The following MCOLN1 variants were observed in gnomAD, a reference collection of about 807,000 sequenced individuals.
The protein encoded by MCOLN1 is mucolipin TRP cation channel 1.
A neutral mutation model predicts 70.3 loss-of-function variants in MCOLN1; 50 were observed. The observed-to-expected ratio is 0.71, with a 90% CI of 0.57 to 0.90. The LOEUF (loss-of-function observed/expected upper bound fraction) is 0.90, where lower values mean the gene tolerates loss of function less well. Ranked by LOEUF, MCOLN1 falls within the 40% of genes least tolerant of loss-of-function variation. MCOLN1 has a pLI of 0.00. For missense variants in MCOLN1, 598 were observed against 803.5 expected (o/e 0.74, Z 3.09); for synonymous variants, 366 against 341.0 (o/e 1.07, Z -0.81).
chr19:7,533,641 G>A lies in MCOLN1; in HGVS notation c.1694G>A (p.Cys565Tyr). 1 of 1,613,142 alleles carries A rather than the reference G, an allele frequency of 6.2e-7. No individual in the cohort carries two copies. The highest frequency in any genetic ancestry group is 8.5e-7 in the Non-Finnish European group (1 of 1,179,864). Reference protein sequence around the residue: ...RGSGSACSLLCCCGRDPSEEH... With the variant: ...RGSGSACSLLYCCGRDPSEEH... ...AGCGGCTCGGCCTGCAGCCTTCTCTGCTGCTGCGGAAGGTTCGAGTCCCGG... is the reference window on the plus strand; with the variant it reads ...AGCGGCTCGGCCTGCAGCCTTCTCTACTGCTGCGGAAGGTTCGAGTCCCGG... The change falls in exon 13 of 14, where the codon TGC (cysteine) becomes TAC (tyrosine). Residue 565 changes from cysteine (C) to tyrosine (Y), a missense_variant. Cys to Tyr is a radical substitution (Grantham distance 194). Transcript: ENST00000264079.
chr19:7,522,791 C>A lies in MCOLN1; in HGVS notation c.31+10C>A. On this transcript the variant is annotated intron_variant, in intron 1 of 13. Transcript: ENST00000264079. The stretch of plus-strand genomic sequence containing the variant: ...GGTCCGCGCGGCTCAGGTGAGGGCG[C>A]GGGCGGCACCGTGGGGCCCCGAACT... 7.5e-7 allele frequency: 1 copy of A among 1,334,652 alleles called. No individual in the cohort carries two copies. Among genetic ancestry groups the A allele is most frequent in the South Asian group, 1.9e-5 (1 of 51,764 alleles). The allele number at this position is 1,334,652 out of a possible 1,614,324, so 82.7% of individuals were successfully genotyped here.
intron 5 of MCOLN1, 77 bp from the exon 6 acceptor site, chr19:7,527,787 G>GTCCC: frequency 7.9e-7 from 1 of 1,272,304 alleles, no homozygotes; most frequent in Non-Finnish European, 1.2e-6. Flanking sequence ...GAGTCAGCAC[G>GTCCC]TGGCAGGGGA....
At chr19:7,529,334 C>A in intron 10 of MCOLN1, 132 bp downstream of exon 10, 1 of 935,252 alleles carries the variant, frequency 1.1e-6, no homozygotes, top group Non-Finnish European at 1.7e-6. Flanking sequence ...CCTGCCCACA[C>A]CAGATATATC....
In MCOLN1 at chr19:7,522,715, G is replaced by T; in HGVS notation, c.-36G>T. The T allele has an allele frequency of 2.1e-6, 3 of 1,451,568 alleles. No individual in the cohort carries two copies. Among genetic ancestry groups the T allele is most frequent in the Non-Finnish European group, 2.7e-6 (3 of 1,106,382 alleles). The allele number at this position is 1,451,568 out of a possible 1,614,324, so 89.9% of individuals were successfully genotyped here. ...CGGGCGATCGGACCCAGGCTGCCCC[G>T]CCGTACCCGCCTGCGTCCCGCGCTC... On this transcript the variant is annotated 5_prime_UTR_variant, in exon 1 of 14. Transcript: ENST00000264079.
chr19:7,524,782 C>T lies in MCOLN1; in HGVS notation c.32-179C>T, dbSNP rs565175816. Among the ~76,000 whole-genome samples, 55 of 152,278 alleles carry T rather than the reference C, an allele frequency of 3.6e-4. No homozygotes were observed. Among genetic ancestry groups the T allele is most frequent in the Admixed American group, 1.3e-3 (20 of 15,290 alleles). ...CCAAACTCATAACCTCTGAGCAGGA[C>T]GGGTGCATAGATACCTACAATGTCA... On this transcript the variant is annotated intron_variant, in intron 1 of 13. Coordinates refer to ENST00000264079, the MANE Select transcript of MCOLN1 (RefSeq NM_020533.3). The surrounding 1 kb of genome is among the most constrained non-coding windows in gnomAD (Gnocchi z 4.1).
At position 7,522,720 on chromosome 19, in the gene MCOLN1, AC is replaced by A; in HGVS notation, c.-28del. ...GATCGGACCCAGGCTGCCCCGCCGTACCCGCCTGCGTCCCGCGCTCCCGCCC... is the reference window on the plus strand; with the variant it reads ...GATCGGACCCAGGCTGCCCCGCCGTACCGCCTGCGTCCCGCGCTCCCGCCC... On this transcript the variant is annotated 5_prime_UTR_variant, in exon 1 of 14. Transcript: ENST00000264079. The A allele has an allele frequency of 6.9e-7, 1 of 1,445,440 alleles. No individual in the cohort carries two copies. The highest frequency in any genetic ancestry group is 1.4e-5 in the South Asian group (1 of 72,396). The allele number at this position is 1,445,440 out of a possible 1,614,324, so 89.5% of individuals were successfully genotyped here.
chr19:7,529,856 CATT>C (rs1313133174), intron 11 of MCOLN1, 144 bp downstream of exon 11: 2 of 1,029,552 alleles, frequency 1.9e-6, no homozygotes, highest in Non-Finnish European at 3.1e-6. Context: ...GACCCTGTGC[CATT>C]ATTGTTGTCA....
Position 7,528,241 on chromosome 19 carries a change from C to T in MCOLN1, c.861C>T (p.Pro287=), listed in dbSNP as rs759571499. 11 of 1,614,100 alleles carry T rather than the reference C, an allele frequency of 6.8e-6. No homozygotes were observed. In the South Asian group the frequency reaches 8.8e-5, roughly 13 times the overall value. ...CCCACATCCAGGAGTGTAAGCACCC[C>T]AGTGTCTTCCAGCACGGTGAGCCCC... is the stretch of plus-strand genomic sequence containing the variant. ...TQAHIQECKH[P]SVFQHGDNSF... is the part of the protein sequence containing the mutation. The change falls in exon 7 of 14, where the codon CCC becomes CCT. Residue 287 remains proline (P), a synonymous_variant. Coordinates refer to ENST00000264079, the MANE Select transcript of MCOLN1 (RefSeq NM_020533.3). This position sits in a 1 kb window ranked among gnomAD's most constrained non-coding sequence, Gnocchi z 4.2.
At position 7,529,638 on chromosome 19, in the gene MCOLN1, T is replaced by G; in HGVS notation, c.1285T>G (p.Cys429Gly). The G allele has an allele frequency of 6.2e-7, 1 of 1,614,178 alleles. No homozygotes were observed. The highest frequency in any genetic ancestry group is 8.5e-7 in the Non-Finnish European group (1 of 1,179,998). ...RVALPSVMRFCCCVAVIYLGY... is the reference protein window; with the variant it reads ...RVALPSVMRFGCCVAVIYLGY... ...GGCCCTGCCCAGCGTCATGCGCTTC[T>G]GCTGCTGCGTGGCTGTCATCTACCT... The change falls in exon 11 of 14, where the codon TGC becomes GGC. Residue 429 changes from cysteine (C) to glycine (G), a missense_variant. Physicochemically the swap from Cys to Gly is radical, Grantham distance 159 (BLOSUM62 -3). Transcript: ENST00000264079.
chr19:7,526,114 T>G lies in MCOLN1; in HGVS notation c.238-325T>G. The G allele has an allele frequency of 4.8e-6, 2 of 415,404 alleles. No individual in the cohort carries two copies. Among genetic ancestry groups the G allele is most frequent in the Non-Finnish European group, 9.0e-6 (2 of 221,054 alleles). The allele number at this position is 415,404 out of a possible 1,614,324, so 25.7% of individuals were successfully genotyped here. A position where few individuals can be genotyped will look rare whatever the true frequency, so the allele number is the denominator to read the frequency against. ...ATGGTACTTACCCTGAAAGTTTGGG[T>G]TTAACACAGAATCGGACATCCAGTA... is the stretch of plus-strand genomic sequence containing the variant. On this transcript the variant is annotated intron_variant, in intron 2 of 13. Transcript: ENST00000264079. The surrounding 1 kb of genome is among the most constrained non-coding windows in gnomAD (Gnocchi z 4.6).
chr19:7,527,560 C>T lies in MCOLN1; in HGVS notation c.612C>T (p.Pro204=), dbSNP rs768586336. The part of the protein sequence containing the change: ...QVDPPERPPP[P]PSDDLTLLES... ...ATCCCCCCGAGCGGCCCCCTCCGCCCCCCAGCGACGATCTCACCCTCTTGG... is the reference window on the plus strand; with the variant it reads ...ATCCCCCCGAGCGGCCCCCTCCGCCTCCCAGCGACGATCTCACCCTCTTGG... Residue 204 remains proline, a synonymous_variant, in exon 5 of 14, where the codon CCC becomes CCT. Transcript: ENST00000264079. 3.7e-6 allele frequency: 6 copies of T among 1,611,876 alleles called. No homozygotes were observed. The highest frequency in any genetic ancestry group is 2.7e-5 in the African/African-American group (2 of 74,884).
intron 4 of MCOLN1, 124 bp downstream of exon 4, chr19:7,527,050 G>C (rs968397980): frequency 7.6e-7 from 1 of 1,321,622 alleles, no homozygotes; most frequent in East Asian, 2.4e-5. Flanking sequence ...TGAGGAGGAA[G>C]GATTGCTTGA....
At chr19:7,530,156 C>G (rs1188561264) in intron 11 of MCOLN1, 130 bp from the exon 12 acceptor site, 2 of 796,690 alleles carry the variant, frequency 2.5e-6, no homozygotes, top group African/African-American at 1.7e-5. Flanking sequence ...GACCGCAGCC[C>G]GGGACCCGGC....
Position 7,525,136 on chromosome 19 carries a change from A to G in MCOLN1, c.207A>G (p.Gln69=). Residue 69 remains glutamine (Q), a synonymous_variant, in exon 2 of 14, where the codon CAA becomes CAG. Transcript: ENST00000264079. The surrounding 1 kb of genome is among the most constrained non-coding windows in gnomAD (Gnocchi z 4.2). Reference sequence around the variant, plus strand: ...GCAAGCCCTGCAAGCTGATGCTGCAAGTGGTCAAGATCCTGGTGGTCACGG... The same window carrying G: ...GCAAGCCCTGCAAGCTGATGCTGCAGGTGGTCAAGATCCTGGTGGTCACGG... ...KGRKPCKLML[Q]VVKILVVTVQ... is the part of the protein sequence containing the mutation. 2 of 1,614,112 alleles carry G rather than the reference A, an allele frequency of 1.2e-6. No individual in the cohort carries two copies. Among genetic ancestry groups the G allele is most frequent in the Non-Finnish European group, 8.5e-7 (1 of 1,180,016 alleles).
In MCOLN1 at chr19:7,522,663, G is replaced by C; in HGVS notation, c.-88G>C. On this transcript the variant is annotated 5_prime_UTR_variant, in exon 1 of 14. Coordinates refer to ENST00000264079, the MANE Select transcript of MCOLN1 (RefSeq NM_020533.3). ...GCCGGAGGGTTTGAAGCCGCGCCGC[G>C]AGGGAGCGAGGTCGCAGTGACAGCG... 3.7e-6 allele frequency: 5 copies of C among 1,346,882 alleles called. No individual in the cohort carries two copies. Among genetic ancestry groups the C allele is most frequent in the Admixed American group, 2.8e-5 (1 of 36,068 alleles). 83.4% of individuals were successfully genotyped at this position (1,346,882 alleles called of 1,614,324 possible).
rs887223056 is a variant in MCOLN1, at chr19:7,524,811, G to A, written c.32-150G>A. On this transcript the variant is annotated intron_variant, in intron 1 of 13. Coordinates refer to ENST00000264079, the MANE Select transcript of MCOLN1 (RefSeq NM_020533.3). This position sits in a 1 kb window ranked among gnomAD's most constrained non-coding sequence, Gnocchi z 4.1. ...TGCATAGATACCTACAATGTCACAG[G>A]TTTTCTGGTTTTCTTTAGACCTCTC... 2 of 689,808 alleles carry A rather than the reference G, an allele frequency of 2.9e-6. No individual in the cohort carries two copies. Among genetic ancestry groups the A allele is most frequent in the African/African-American group, 3.6e-5 (2 of 55,542 alleles). The allele number at this position is 689,808 out of a possible 1,614,324, so 42.7% of individuals were successfully genotyped here. A position where few individuals can be genotyped will look rare whatever the true frequency, so the allele number is the denominator to read the frequency against.
chr19:7,526,672 C>T lies in MCOLN1; in HGVS notation c.405+66C>T, dbSNP rs75894786. ...AGGTGGGCGGGCAGGTGCAGTTGGG[C>T]GGGCAGGTGCTGGTGGGCGGGCAGG... is the stretch of plus-strand genomic sequence containing the variant. On this transcript the variant is annotated intron_variant, in intron 3 of 13. Coordinates refer to ENST00000264079, the MANE Select transcript of MCOLN1 (RefSeq NM_020533.3). This position sits in a 1 kb window ranked among gnomAD's most constrained non-coding sequence, Gnocchi z 4.6. 0.015 allele frequency: 14,301 copies of T among 973,376 alleles called. 1,141 individuals carry two copies. The Admixed American group carries it at 0.2, about 14-fold the overall frequency. 60.3% of individuals were successfully genotyped at this position (973,376 alleles called of 1,614,324 possible).
chr19:7,527,455 ACT>A (rs1423600026), intron 4 of MCOLN1, 63 bp from the exon 5 acceptor site: 1 of 790,026 alleles, frequency 1.3e-6, no homozygotes, highest in Non-Finnish European at 2.3e-6. Flanking sequence ...GCCACTGGGG[ACT>A]CTGGGGAGAC....
At chr19:7,527,825 C>G in intron 5 of MCOLN1, 39 bp from the exon 6 acceptor site, 1 of 1,523,108 alleles carries the variant, frequency 6.6e-7, no homozygotes, top group Non-Finnish European at 9.1e-7. Context: ...GGAAGGGACC[C>G]GAAGACGCCC....
Sources: gnomAD v4.1 joint callset for allele counts (sites outside exome capture counted in the v4.1 genomes callset) on GRCh38, gnomAD v4.1.1 for gene constraint, Gnocchi (gnomAD v3.1) non-coding constraint, MANE v1.5 for transcripts, NCBI Gene and HGNC (gene_info 2026-07-23, HGNC 2026-07-21) for gene names.